SORCS3: variants seen among roughly 807,000 people sequenced by gnomAD.
SORCS3 encodes the protein VPS10 domain-containing receptor SorCS3.
A neutral mutation model predicts 146.3 loss-of-function variants in SORCS3; 57 were observed. The observed-to-expected ratio is 0.39, with a 90% CI of 0.31 to 0.49. The LOEUF is 0.49. Among genes scored for constraint, SORCS3 ranks in the 20% least tolerant of loss-of-function variants. The pLI is 0.92. For missense variants in SORCS3, 1,341 were observed against 1,575.5 expected (o/e 0.85, Z 2.52); for synonymous variants, 653 against 618.5 (o/e 1.06, Z -0.83).
At chr10:105,117,746 G>T (rs1311942862) in intron 7 of SORCS3, among the ~76,000 whole-genome samples, 1 of 152,124 alleles carries the variant, frequency 6.6e-6, no homozygotes, top group Non-Finnish European at 1.5e-5. Context: ...ACTCACTTGA[G>T]ACTGACTTCT....
At chr10:104,962,906 A>G (rs1344498436) in intron 3 of SORCS3, among the ~76,000 whole-genome samples, 1 of 152,214 alleles carries the variant, frequency 6.6e-6, no homozygotes, top group Non-Finnish European at 1.5e-5. Flanking sequence ...AATATAAGCA[A>G]TGTTTAACAA....
chr10:105,149,716 A>C (rs2056155281), intron 9 of SORCS3, among the ~76,000 whole-genome samples: 1 of 152,108 alleles, frequency 6.6e-6, no homozygotes, highest in Non-Finnish European at 1.5e-5. Context: ...TGCAGTCAAG[A>C]AATTCTTGTG....
chr10:105,113,919 G>T (rs913887977), intron 7 of SORCS3, among the ~76,000 whole-genome samples: 3 of 152,172 alleles, frequency 2.0e-5, no homozygotes, highest in Admixed American at 2.0e-4. Context: ...GCTTTCCTCT[G>T]TAGGGGCAGG....
chr10:104,662,181 T>C (rs1048537747), intron 1 of SORCS3, among the ~76,000 whole-genome samples: 5 of 152,174 alleles, frequency 3.3e-5, no homozygotes, highest in Non-Finnish European at 7.3e-5. Flanking sequence ...ATCAGGATAT[T>C]ACAGAGTTTG....
At chr10:104,722,612 CT>C (rs1322930261) in intron 1 of SORCS3, among the ~76,000 whole-genome samples, 1 of 152,088 alleles carries the variant, frequency 6.6e-6, no homozygotes, top group Non-Finnish European at 1.5e-5. Context: ...TGGTCCTGGA[CT>C]TTTTTTGGTT....
chr10:104,778,858 T>C (rs960484506), intron 1 of SORCS3, among the ~76,000 whole-genome samples: 6 of 152,128 alleles, frequency 3.9e-5, no homozygotes, highest in African/African-American at 1.4e-4. Context: ...TCTCCACTCC[T>C]GGAACCTGTG....
intron 5 of SORCS3, among the ~76,000 whole-genome samples, chr10:105,072,606 A>T (rs905507412): frequency 2.7e-5 from 4 of 146,716 alleles, no homozygotes; most frequent in Admixed American, 2.7e-4. Flanking sequence ...ACATATTGCC[A>T]CTGGAATGTG....
At chr10:104,964,063 C>A (rs955546938) in intron 3 of SORCS3, among the ~76,000 whole-genome samples, 3 of 152,098 alleles carry the variant, frequency 2.0e-5, no homozygotes, top group Non-Finnish European at 2.9e-5. Context: ...CAGAACCTCT[C>A]CCTGGTCTCT....
At position 104,763,679 on chromosome 10, in the gene SORCS3, A is replaced by G. The variant is rs539463379; in HGVS notation, c.628-79113A>G. ...GATCTTGTGGCCAACGCTTCTTTAGACCATATTTTTTCAAAGTTATTAATT... is the reference window on the plus strand; with the variant it reads ...GATCTTGTGGCCAACGCTTCTTTAGGCCATATTTTTTCAAAGTTATTAATT... On this transcript the variant is annotated intron_variant, in intron 1 of 26. Coordinates refer to ENST00000369701, the MANE Select transcript of SORCS3 (RefSeq NM_014978.3). 7.5e-4 allele frequency among the ~76,000 whole-genome samples: 114 copies of G among 152,242 alleles called. 1 individual carries two copies. The highest frequency in any genetic ancestry group is 3.4e-3 in the Middle Eastern group (1 of 294).
chr10:104,744,490 T>G (rs1352465494), intron 1 of SORCS3, among the ~76,000 whole-genome samples: 1 of 152,214 alleles, frequency 6.6e-6, no homozygotes, highest in East Asian at 1.9e-4. Flanking sequence ...TCTTGTATAA[T>G]CCTCACAACA....
chr10:105,059,039 G>A (rs568449729), intron 5 of SORCS3, among the ~76,000 whole-genome samples: 1 of 152,154 alleles, frequency 6.6e-6, no homozygotes, highest in South Asian at 2.1e-4. Context: ...TCTGGACCTG[G>A]GCCTCAGGAA....
At chr10:104,679,096 A>G (rs929250076) in intron 1 of SORCS3, among the ~76,000 whole-genome samples, 3 of 152,342 alleles carry the variant, frequency 2.0e-5, no homozygotes, top group East Asian at 3.9e-4. Context: ...GCAAGGAGGT[A>G]GAGTTTCTTG....
chr10:104,714,735 A>G (rs1401874714), intron 1 of SORCS3, among the ~76,000 whole-genome samples: 1 of 152,204 alleles, frequency 6.6e-6, no homozygotes, highest in Non-Finnish European at 1.5e-5. Flanking sequence ...TGCTGTTATT[A>G]GATGGTAGAT....
intron 1 of SORCS3, among the ~76,000 whole-genome samples, chr10:104,687,844 G>A (rs796490557): frequency 2.7e-4 from 41 of 152,228 alleles, no homozygotes; most frequent in African/African-American, 9.6e-4. Flanking sequence ...CATCTGTAAA[G>A]GGGGGACAAT....
At chr10:104,890,194 T>C (rs1374871981) in intron 2 of SORCS3, among the ~76,000 whole-genome samples, 3 of 152,142 alleles carry the variant, frequency 2.0e-5, no homozygotes, top group African/African-American at 7.2e-5. Context: ...GGATATCGAC[T>C]TATAGTTTTC....
At chr10:104,878,829 G>A (rs1313260442) in intron 2 of SORCS3, among the ~76,000 whole-genome samples, 6 of 152,168 alleles carry the variant, frequency 3.9e-5, no homozygotes, top group African/African-American at 9.7e-5. Flanking sequence ...GGATTTGCAC[G>A]ATGTGTTGGA....
intron 20 of SORCS3, among the ~76,000 whole-genome samples, chr10:105,223,760 C>T (rs142582862): frequency 6.6e-6 from 1 of 152,176 alleles, no homozygotes; most frequent in Non-Finnish European, 1.5e-5. Context: ...AAGAAAGGAA[C>T]AAAAGAGGCC....
intron 8 of SORCS3, 76 bp downstream of exon 8, chr10:105,139,562 C>T: frequency 2.6e-6 from 3 of 1,175,580 alleles, no homozygotes; most frequent in Non-Finnish European, 3.8e-6. Context: ...TGTTGGGCTA[C>T]TGGGAGGTTT....
rs56203751 is a variant in SORCS3 at position 104,735,456 on chromosome 10, G to GTTTTTTTTTTTTTTTTTTT, written c.627+93505_627+93523dup. 8.0e-3 allele frequency among the ~76,000 whole-genome samples: 279 copies of GTTTTTTTTTTTTTTTTTTT among 34,946 alleles called. 54 individuals carry two copies. The highest frequency in any genetic ancestry group is 0.011 in the East Asian group (7 of 630). 22.9% of individuals were successfully genotyped at this position (34,946 alleles called of 152,430 possible). ...CGGTATTCATGAGCTCTCACCGTCT[G>GTTTTTTTTTTTTTTTTTTT]TTTTTTTTTTTTTTTTTTTTTAATC... On this transcript the variant is annotated intron_variant, in intron 1 of 26. Coordinates refer to ENST00000369701, the MANE Select transcript of SORCS3 (RefSeq NM_014978.3).
Sources: allele counts gnomAD v4.1 joint callset (sites outside exome capture counted in the v4.1 genomes callset), GRCh38; gene constraint gnomAD v4.1.1; transcripts MANE v1.5; gene names NCBI Gene and HGNC (gene_info 2026-07-23, HGNC 2026-07-21).